KLF8: variants seen among roughly 807,000 people sequenced by gnomAD.
The protein encoded by KLF8 is KLF transcription factor 8, also known as Krueppel-like factor 8.
Under a neutral mutation model 18.2 loss-of-function variants are expected in KLF8, and 10 were observed. The ratio of observed to expected loss-of-function variants is 0.55; its 90% confidence interval spans 0.34 to 0.93. The LOEUF is 0.93. Among genes scored for constraint, KLF8 ranks in the 40% least tolerant of loss-of-function variants. The pLI, the probability that KLF8 is intolerant of heterozygous loss-of-function variation, is 0.02. For synonymous variants in KLF8, 109 were observed against 97.3 expected, an observed-to-expected ratio of 1.12 and a Z score of -0.71; for missense variants, 264 against 277.9, an observed-to-expected ratio of 0.95 and a Z score of 0.36.
the KLF8 span, among the ~76,000 whole-genome samples, chrX:55,938,095 A>G: frequency 8.9e-6 from 1 of 111,752 alleles, no homozygotes; most frequent in Non-Finnish European, 1.9e-5. Flanking sequence ...AGTTGAAATG[A>G]AGGAAAAAAT....
chrX:56,168,584 G>C, the KLF8 span, among the ~76,000 whole-genome samples: 1 of 110,983 alleles, frequency 9.0e-6, no homozygotes, highest in East Asian at 2.8e-4. Context: ...GTGCCATGTT[G>C]GTGTGCTGCA....
At chrX:56,008,574 C>A in the KLF8 span, among the ~76,000 whole-genome samples, 4 of 111,960 alleles carry the variant, frequency 3.6e-5, no homozygotes, top group African/African-American at 1.3e-4. Flanking sequence ...CCTTGTGTCC[C>A]AAGCAGACAT....
the KLF8 span, among the ~76,000 whole-genome samples, chrX:56,048,950 G>A: frequency 1.8e-5 from 2 of 111,682 alleles, no homozygotes; most frequent in Non-Finnish European, 1.9e-5. Context: ...TCATTGAACA[G>A]TGGCTTGTAG....
chrX:56,110,628 T>C, the KLF8 span, among the ~76,000 whole-genome samples: 2 of 111,861 alleles, frequency 1.8e-5, no homozygotes, highest in African/African-American at 6.5e-5. Context: ...TTAGTTTTTT[T>C]ATAGTGTTCA....
the KLF8 span, among the ~76,000 whole-genome samples, chrX:56,025,026 T>A: frequency 8.9e-6 from 1 of 112,566 alleles, no homozygotes; most frequent in African/African-American, 3.2e-5. Context: ...TCAGGATGGT[T>A]CTTTTGGGCT....
chrX:56,054,781 G>T, the KLF8 span, among the ~76,000 whole-genome samples: 1 of 111,878 alleles, frequency 8.9e-6, no homozygotes, highest in South Asian at 3.7e-4. Context: ...TATGCTCGGT[G>T]CATATATATT....
At chrX:56,069,461 G>C in the KLF8 span, among the ~76,000 whole-genome samples, 1 of 110,618 alleles carries the variant, frequency 9.0e-6, no homozygotes, top group South Asian at 3.8e-4. Flanking sequence ...CAGTAAGCCC[G>C]CTTCTGTGGA....
the KLF8 span, among the ~76,000 whole-genome samples, chrX:56,004,325 A>C: frequency 8.9e-6 from 1 of 112,263 alleles, no homozygotes; most frequent in Non-Finnish European, 1.9e-5. Flanking sequence ...TGGTTTTATC[A>C]GTCAGGGTTC....
chrX:55,927,216 A>G, the KLF8 span, among the ~76,000 whole-genome samples: 12 of 112,111 alleles, frequency 1.1e-4, no homozygotes, highest in Non-Finnish European at 2.1e-4. Context: ...CTGGAGGGCT[A>G]TCTTGTCCAT....
At chrX:56,187,416 G>A in the KLF8 span, among the ~76,000 whole-genome samples, 1 of 111,544 alleles carries the variant, frequency 9.0e-6, no homozygotes, top group Non-Finnish European at 1.9e-5. Context: ...ACGACCAGAT[G>A]AATTCACAGC....
At chrX:56,054,382 A>T in the KLF8 span, among the ~76,000 whole-genome samples, 5 of 111,488 alleles carry the variant, frequency 4.5e-5, no homozygotes, top group Admixed American at 4.8e-4. Flanking sequence ...CCATTTTCAT[A>T]TAATTGTATG....
chrX:55,969,913 A>C, the KLF8 span, among the ~76,000 whole-genome samples: 1 of 111,489 alleles, frequency 9.0e-6, no homozygotes, highest in Non-Finnish European at 1.9e-5. Context: ...GACCAGTAAT[A>C]AGTAATGAGA....
chrX:56,029,575 A>G, the KLF8 span, among the ~76,000 whole-genome samples: 2 of 111,781 alleles, frequency 1.8e-5, no homozygotes, highest in African/African-American at 3.2e-5. Flanking sequence ...CATCCTGACC[A>G]TGGGCTCCTT....
intron 2 of KLF8, among the ~76,000 whole-genome samples, chrX:56,251,451 ATATT>A (rs749659954): frequency 1.2e-4 from 13 of 110,236 alleles, no homozygotes; most frequent in South Asian, 1.1e-3. Context: ...GAATTTTTAT[ATATT>A]TATTTATTTA....
the KLF8 span, among the ~76,000 whole-genome samples, chrX:56,220,109 C>T: frequency 8.9e-6 from 1 of 112,046 alleles, no homozygotes; most frequent in African/African-American, 3.2e-5. Flanking sequence ...ATATTCCTTG[C>T]GCTAAAGATC....
chrX:56,192,964 A>G, the KLF8 span, among the ~76,000 whole-genome samples: 17 of 112,509 alleles, frequency 1.5e-4, no homozygotes, highest in East Asian at 4.5e-3. Flanking sequence ...GCAAAAATGG[A>G]CAAATGGGAT....
the KLF8 span, among the ~76,000 whole-genome samples, chrX:56,094,562 ACAAT>A: frequency 3.2e-3 from 357 of 111,296 alleles, no homozygotes; most frequent in African/African-American, 0.01. Context: ...CAGCAGGTAG[ACAAT>A]CAAACAGGAT....
chrX:56,177,028 C>G, the KLF8 span, among the ~76,000 whole-genome samples: 1 of 111,170 alleles, frequency 9.0e-6, no homozygotes, highest in Non-Finnish European at 1.9e-5. Context: ...AGGTTTTTAA[C>G]TTCTTTGCCA....
chrX:56,180,761 G>T, the KLF8 span, among the ~76,000 whole-genome samples: 1 of 111,663 alleles, frequency 9.0e-6, no homozygotes, highest in Non-Finnish European at 1.9e-5. Flanking sequence ...TTTCCATATA[G>T]TTGTGCAGTT....
Sources: allele counts gnomAD v4.1 joint callset (sites outside exome capture counted in the v4.1 genomes callset), GRCh38; gene constraint gnomAD v4.1.1; transcripts MANE v1.5; gene names NCBI Gene and HGNC (gene_info 2026-07-23, HGNC 2026-07-21).